The following MAPK6 variants were observed in gnomAD, a reference collection of about 807,000 sequenced individuals.
The protein encoded by MAPK6 is ERK-3.
In MAPK6, 19 loss-of-function variants were observed where a neutral mutation model predicts 59.3. That is an observed-to-expected ratio of 0.32 (90% CI 0.22 to 0.47). The LOEUF (loss-of-function observed/expected upper bound fraction) is 0.47, where lower values mean the gene tolerates loss of function less well. MAPK6 is among the 20% of genes least tolerant of loss of function. The probability of loss-of-function intolerance (pLI) is 1.00; values close to 1 mark genes in which losing one functional copy is unlikely to be tolerated. For missense variants in MAPK6, 724 were observed against 847.9 expected, an observed-to-expected ratio of 0.85 and a Z score of 1.81; for synonymous variants, 316 against 290.3, an observed-to-expected ratio of 1.09 and a Z score of -0.90.
chr15:52,001,101 T>C (rs561297059), intron 2 of MAPK6, among the ~76,000 whole-genome samples: 20 of 152,292 alleles, frequency 1.3e-4, no homozygotes, highest in African/African-American at 4.6e-4. Context: ...GAGGGGGTCC[T>C]TTCTCGTGAA....
At chr15:52,021,885 GT>G (rs200992231) in intron 1 of MAPK6, among the ~76,000 whole-genome samples, 17 of 151,216 alleles carry the variant, frequency 1.1e-4, no homozygotes, top group Admixed American at 2.0e-4. Flanking sequence ...ATTTTTCATG[GT>G]TTTTTTTTAA....
chr15:52,048,460 A>G (rs914602654), intron 2 of MAPK6, among the ~76,000 whole-genome samples: 39 of 151,814 alleles, frequency 2.6e-4, no homozygotes, highest in Middle Eastern at 3.2e-3. Context: ...TCTCCTAAAA[A>G]TACAAAATTA....
intron 4 of MAPK6, among the ~76,000 whole-genome samples, chr15:52,059,193 C>T (rs1048086487): frequency 2.6e-5 from 4 of 152,226 alleles, no homozygotes; most frequent in Admixed American, 6.5e-5. Flanking sequence ...GTCTTTGAGT[C>T]TGTCTGCACA....
exon 2 of MAPK6, among the ~76,000 whole-genome samples, chr15:51,983,223 A>G (rs2057179942): frequency 6.6e-6 from 1 of 152,196 alleles, no homozygotes; most frequent in Admixed American, 6.6e-5. Flanking sequence ...GTGGTGCCTC[A>G]TGCCTGTAAT....
upstream of MAPK6, chr15:52,017,558 T>C (rs2030309448): frequency 6.5e-6 from 1 of 152,750 alleles, no homozygotes; most frequent in Admixed American, 6.5e-5. Context: ...TCACTGGGGA[T>C]ACGATGGCTT....
intron 2 of MAPK6, among the ~76,000 whole-genome samples, chr15:51,997,923 C>CTCTTTCTTTCTTTCTTTCTTTCTT (rs201219333): frequency 6.1e-5 from 8 of 131,228 alleles, no homozygotes; most frequent in African/African-American, 2.3e-4. Context: ...TTCTTTCTTT[C>CTCTTTCTTTCTTTCTTTCTTTCTT]TCTTTCTTTC....
chr15:52,045,006 C>G (rs1438033144), intron 1 of MAPK6, among the ~76,000 whole-genome samples: 5 of 139,940 alleles, frequency 3.6e-5, no homozygotes, highest in African/African-American at 1.3e-4. Context: ...AACTACTTAT[C>G]TGTTCTCCTA....
intron 1 of MAPK6, among the ~76,000 whole-genome samples, chr15:52,031,662 C>T (rs2031039222): frequency 6.6e-6 from 1 of 152,046 alleles, no homozygotes; most frequent in African/African-American, 2.4e-5. Context: ...GAAACCTTGT[C>T]TCTACCAAGA....
intron 5 of MAPK6, among the ~76,000 whole-genome samples, chr15:52,062,756 C>G (rs975442023): frequency 6.6e-6 from 1 of 152,132 alleles, no homozygotes; most frequent in Non-Finnish European, 1.5e-5. Flanking sequence ...CAGAGCAAGA[C>G]TCCGTTTCAA....
In MAPK6 at chr15:52,041,082, TC is replaced by T. The variant is rs548717626; in HGVS notation, c.-631-4745del. 1.3e-3 allele frequency among the ~76,000 whole-genome samples: 193 copies of T among 152,256 alleles called. 2 individuals carry two copies. Among genetic ancestry groups the T allele is most frequent in the African/African-American group, 4.5e-3 (186 of 41,532 alleles). On this transcript the variant is annotated intron_variant, in intron 1 of 5. Coordinates refer to ENST00000261845, the MANE Select transcript of MAPK6 (RefSeq NM_002748.4). ...GAAATTGGAAAGATGCTGGAAAGGGTCCCTTTATGTTACCTTCCTTTTTACT... is the reference window on the plus strand; with the variant it reads ...GAAATTGGAAAGATGCTGGAAAGGGTCCTTTATGTTACCTTCCTTTTTACT...
chr15:52,021,155 G>A (rs2030511390), intron 1 of MAPK6, among the ~76,000 whole-genome samples: 1 of 147,314 alleles, frequency 6.8e-6, no homozygotes, highest in African/African-American at 2.6e-5. Flanking sequence ...ACATTCTAAA[G>A]ACTAATGTTA....
chr15:52,053,646 G>A (rs2031863155), intron 3 of MAPK6, among the ~76,000 whole-genome samples: 2 of 79,430 alleles, frequency 2.5e-5, no homozygotes, highest in African/African-American at 1.0e-4. Flanking sequence ...TTGATTGATT[G>A]ATTGATTTTT....
intron 1 of MAPK6, among the ~76,000 whole-genome samples, chr15:51,982,096 CA>C (rs1324138417): frequency 1.3e-5 from 2 of 152,084 alleles, no homozygotes; most frequent in Non-Finnish European, 2.9e-5. Flanking sequence ...CCCTGCCAAC[CA>C]AAATTTTACA....
chr15:51,998,187 C>A (rs1263463065), intron 2 of MAPK6, among the ~76,000 whole-genome samples: 2 of 151,606 alleles, frequency 1.3e-5, no homozygotes, highest in Non-Finnish European at 2.9e-5. Context: ...CGTAATCCAC[C>A]CGCCTTGGAC....
At chr15:52,056,400 A>G (rs1296619580) in intron 3 of MAPK6, among the ~76,000 whole-genome samples, 1 of 151,918 alleles carries the variant, frequency 6.6e-6, no homozygotes, top group Non-Finnish European at 1.5e-5. Context: ...AGCTACTGCC[A>G]CATACTACTG....
intron 1 of MAPK6, among the ~76,000 whole-genome samples, chr15:52,043,933 G>T (rs1009698266): frequency 6.6e-6 from 1 of 151,192 alleles, no homozygotes; most frequent in African/African-American, 2.4e-5. Context: ...GCGCCACCAC[G>T]CCTGGCTACT....
intron 3 of MAPK6, among the ~76,000 whole-genome samples, chr15:52,011,922 G>A (rs1265147982): frequency 6.6e-6 from 1 of 152,232 alleles, no homozygotes; most frequent in Non-Finnish European, 1.5e-5. Context: ...GACCATGGAA[G>A]TTATCAGCTG....
At chr15:52,034,929 C>G (rs2031187210) in intron 1 of MAPK6, among the ~76,000 whole-genome samples, 1 of 152,074 alleles carries the variant, frequency 6.6e-6, no homozygotes, top group African/African-American at 2.4e-5. Flanking sequence ...AACTCCCAGA[C>G]TCAAGTGATC....
upstream of MAPK6, among the ~76,000 whole-genome samples, chr15:52,016,104 ACACAAACT>A (rs2030256357): frequency 1.4e-5 from 2 of 138,900 alleles, no homozygotes; most frequent in Non-Finnish European, 3.1e-5. Context: ...ACACACACAC[ACACAAACT>A]AAAACTGGCC....
Sources: gnomAD v4.1 joint callset for allele counts (sites outside exome capture counted in the v4.1 genomes callset) on GRCh38, gnomAD v4.1.1 for gene constraint, MANE v1.5 for transcripts, NCBI Gene and HGNC (gene_info 2026-07-23, HGNC 2026-07-21) for gene names.